Variants in CEP85L observed in about 807,000 individuals in gnomAD.
The protein encoded by CEP85L is centrosomal protein of 85 kDa-like.
Under a neutral mutation model 100.3 loss-of-function variants are expected in CEP85L, and 60 were observed. The observed-to-expected ratio is 0.60, with a 90% CI of 0.49 to 0.74. The LOEUF (loss-of-function observed/expected upper bound fraction) is 0.74, where lower values mean the gene tolerates loss of function less well. CEP85L is among the 30% of genes least tolerant of loss of function. The pLI is 0.00. For synonymous variants in CEP85L, 319 were observed against 322.7 expected, an observed-to-expected ratio of 0.99 and a Z score of 0.12; for missense variants, 973 against 936.2, an observed-to-expected ratio of 1.04 and a Z score of -0.51.
chr6:118,533,571 A>G (rs1777410612), intron 3 of CEP85L, among the ~76,000 whole-genome samples: 1 of 152,054 alleles, frequency 6.6e-6, no homozygotes, highest in Non-Finnish European at 1.5e-5. Context: ...TCAGAGGCGG[A>G]AAAAAAATGA....
chr6:118,559,050 G>A, intron 3 of CEP85L: 1 of 1,611,712 alleles, frequency 6.2e-7, no homozygotes, highest in Non-Finnish European at 8.5e-7. Flanking sequence ...TATGTCTCTT[G>A]CTGATCTGTA....
intron 2 of CEP85L, among the ~76,000 whole-genome samples, chr6:118,629,376 C>T (rs900899373): frequency 2.0e-5 from 3 of 152,122 alleles, no homozygotes; most frequent in Non-Finnish European, 4.4e-5. Flanking sequence ...TTATAAAGAC[C>T]TTTACAGAGA....
At chr6:118,635,574 C>T (rs189302513) in intron 1 of CEP85L, among the ~76,000 whole-genome samples, 18 of 152,290 alleles carry the variant, frequency 1.2e-4, no homozygotes, top group African/African-American at 4.3e-4. Flanking sequence ...TTGCAGATTA[C>T]ATCAACATTT....
chr6:118,697,405 A>G (rs748560522), intron 1 of CEP85L, among the ~76,000 whole-genome samples: 7 of 152,198 alleles, frequency 4.6e-5, no homozygotes, highest in Non-Finnish European at 1.0e-4. Flanking sequence ...ACTATTTGTT[A>G]CTGTCCATCA....
At chr6:118,669,754 A>T (rs1776238985) in intron 1 of CEP85L, among the ~76,000 whole-genome samples, 1 of 151,844 alleles carries the variant, frequency 6.6e-6, no homozygotes, top group Non-Finnish European at 1.5e-5. Flanking sequence ...TCACTCATAT[A>T]TTTATCTCAT....
chr6:118,513,723 A>ACCCCAGCTGTAG (rs2114728515), intron 4 of CEP85L, among the ~76,000 whole-genome samples: 1 of 152,264 alleles, frequency 6.6e-6, no homozygotes, highest in South Asian at 2.1e-4. Flanking sequence ...AGCTGAAAGA[A>ACCCCAGCTGTAG]TTGATCACCC....
chr6:118,499,401 C>A (rs188012915), intron 5 of CEP85L, among the ~76,000 whole-genome samples: 1,895 of 152,270 alleles, frequency 0.012, 45 homozygotes, highest in African/African-American at 0.044. Flanking sequence ...CACGGTGGCT[C>A]ATGCCTGTAA....
chr6:118,624,434 A>T (rs1773652488), intron 2 of CEP85L, among the ~76,000 whole-genome samples: 1 of 152,004 alleles, frequency 6.6e-6, no homozygotes, highest in Non-Finnish European at 1.5e-5. Context: ...CCACCTACAG[A>T]GCACCATGAC....
At chr6:118,599,085 C>G (rs1187057435) in intron 2 of CEP85L, among the ~76,000 whole-genome samples, 1 of 152,148 alleles carries the variant, frequency 6.6e-6, no homozygotes, top group Non-Finnish European at 1.5e-5. Context: ...CATAACCTAG[C>G]CCTGTCCTCT....
chr6:118,479,996 C>T (rs1266229686), intron 9 of CEP85L, 75 bp from the exon 10 acceptor site: 2 of 757,936 alleles, frequency 2.6e-6, no homozygotes, highest in Non-Finnish European at 4.3e-6. Flanking sequence ...TTCAAGAAAA[C>T]AGCACAGAAA....
At chr6:118,612,279 A>T (rs1457861023) in intron 2 of CEP85L, among the ~76,000 whole-genome samples, 2 of 152,054 alleles carry the variant, frequency 1.3e-5, no homozygotes, top group African/African-American at 2.4e-5. Context: ...AACCACACTG[A>T]ACTAAAATGA....
At chr6:118,708,064 G>A (rs1777659919) in intron 1 of CEP85L, among the ~76,000 whole-genome samples, 1 of 152,156 alleles carries the variant, frequency 6.6e-6, no homozygotes, top group Non-Finnish European at 1.5e-5. Flanking sequence ...AACTCTTAGA[G>A]TTCAATCCTA....
chr6:118,527,250 C>T (rs1777029950), intron 3 of CEP85L, among the ~76,000 whole-genome samples: 1 of 151,926 alleles, frequency 6.6e-6, no homozygotes, highest in Non-Finnish European at 1.5e-5. Context: ...GGTGATCTGC[C>T]CGATTCGGCT....
At chr6:118,624,919 T>C (rs948942066) in intron 2 of CEP85L, among the ~76,000 whole-genome samples, 2 of 152,202 alleles carry the variant, frequency 1.3e-5, no homozygotes, top group Non-Finnish European at 2.9e-5. Flanking sequence ...CTCATTCCCA[T>C]CTCTAGAGTC....
intron 4 of CEP85L, among the ~76,000 whole-genome samples, chr6:118,515,752 AATTT>A (rs1776236179): frequency 6.6e-6 from 1 of 152,184 alleles, no homozygotes; most frequent in South Asian, 2.1e-4. Flanking sequence ...AGAACTTAGA[AATTT>A]ATTTTTTATT....
chr6:118,548,747 T>C (rs994988950), intron 3 of CEP85L, among the ~76,000 whole-genome samples: 4 of 152,072 alleles, frequency 2.6e-5, no homozygotes, highest in Non-Finnish European at 1.5e-5. Flanking sequence ...AATTTCTCCA[T>C]GCAAAAACAA....
intron 1 of CEP85L, among the ~76,000 whole-genome samples, chr6:118,677,582 A>G (rs1400592751): frequency 2.0e-5 from 3 of 152,168 alleles, no homozygotes; most frequent in Non-Finnish European, 4.4e-5. Context: ...CTCCCAATAC[A>G]TGTTTTCCAC....
rs77967963 is a variant in CEP85L, at chr6:118,675,095, C to T, written c.-27-22287G>A. ...TCATAAATGGATAAACAAAGTGTTA[C>T]ACACACACCCACACATGCACTCACA... On this transcript the variant is annotated intron_variant, in intron 1 of 13. Coordinates refer to the CEP85L transcript ENST00000368488. Among the ~76,000 whole-genome samples, 97 of 152,258 alleles carry T rather than the reference C, an allele frequency of 6.4e-4. 1 individual carries two copies. The highest frequency in any genetic ancestry group is 2.1e-3 in the African/African-American group (89 of 41,560).
intron 3 of CEP85L, among the ~76,000 whole-genome samples, chr6:118,546,691 T>A (rs544068004): frequency 6.6e-6 from 1 of 152,290 alleles, no homozygotes; most frequent in East Asian, 1.9e-4. Context: ...CTTTAGCAGC[T>A]GGTTATCTCT....
Sources: gnomAD v4.1 joint callset for allele counts (sites outside exome capture counted in the v4.1 genomes callset) on GRCh38, gnomAD v4.1.1 for gene constraint, MANE v1.5 for transcripts, NCBI Gene and HGNC (gene_info 2026-07-23, HGNC 2026-07-21) for gene names.